TNNI3: variants seen among roughly 807,000 people sequenced by gnomAD.
TNNI3 encodes troponin I3, cardiac type.
Under a neutral mutation model 31.5 loss-of-function variants are expected in TNNI3, and 23 were observed. The ratio of observed to expected loss-of-function variants is 0.73; its 90% confidence interval spans 0.52 to 1.03. The LOEUF (loss-of-function observed/expected upper bound fraction) is 1.03. TNNI3 is among the 50% of genes least tolerant of loss of function. The probability of loss-of-function intolerance (pLI) is 0.00; values close to 1 mark genes in which losing one functional copy is unlikely to be tolerated. For synonymous variants in TNNI3, 120 were observed against 111.7 expected (o/e 1.07, Z -0.47); for missense variants, 236 against 282.9 (o/e 0.83, Z 1.19).
chr19:55,153,558 A>G (rs1599908644), intron 7 of TNNI3, among the ~76,000 whole-genome samples: 1 of 151,972 alleles, frequency 6.6e-6, no homozygotes, highest in East Asian at 1.9e-4. Flanking sequence ...TGTAGAAATT[A>G]AAACAACAAC....
Position 55,157,685 on chromosome 19 carries a change from A to G in TNNI3, c.-96T>C, listed in dbSNP as rs761058069. ...CCGCCCGGGTGACCTTCAGGGTCCC[A>G]GGGACCGTCAGTCTCCTCCGGGCTG... On this transcript the variant is annotated 5_prime_UTR_variant, in exon 1 of 8. Transcript: ENST00000344887. The surrounding 1 kb of genome is among the most constrained non-coding windows in gnomAD (Gnocchi z 6.3). 5 of 1,449,934 alleles carry G rather than the reference A, an allele frequency of 3.4e-6. No homozygotes were observed. The African/African-American group carries it at 5.6e-5, about 16-fold the overall frequency. 89.8% of individuals were successfully genotyped at this position (1,449,934 alleles called of 1,614,324 possible).
At position 55,156,451 on chromosome 19, in the gene TNNI3, C is replaced by G. The variant is rs954643754; in HGVS notation, c.151-119G>C. On this transcript the variant is annotated intron_variant, in intron 4 of 7. Coordinates refer to ENST00000344887, the MANE Select transcript of TNNI3 (RefSeq NM_000363.5). This position sits in a 1 kb window ranked among gnomAD's most constrained non-coding sequence, Gnocchi z 4.6. ...TTTGGTCTCCACTGTTCCAAGGCCC[C>G]GTCCCACCCCGAGCAGTACTCCCCG... is the stretch of plus-strand genomic sequence containing the variant. 9 of 1,504,328 alleles carry G rather than the reference C, an allele frequency of 6.0e-6. No individual in the cohort carries two copies. Among genetic ancestry groups the G allele is most frequent in the African/African-American group, 5.5e-5 (4 of 72,144 alleles). The allele number at this position is 1,504,328 out of a possible 1,614,324, so 93.2% of individuals were successfully genotyped here.
chr19:55,155,027 G>C (rs1352760162), intron 5 of TNNI3, among the ~76,000 whole-genome samples, 197 bp from the exon 6 acceptor site: 1 of 137,950 alleles, frequency 7.2e-6, no homozygotes, highest in East Asian at 2.3e-4. Flanking sequence ...AGAAGGGGCT[G>C]GGGGCCTGGA....
At chr19:55,154,893 G>A in intron 5 of TNNI3, 63 bp from the exon 6 acceptor site, 1 of 1,473,842 alleles carries the variant, frequency 6.8e-7, no homozygotes, top group Non-Finnish European at 9.5e-7. Context: ...TGGACTCCTG[G>A]GTCTGAGGGA....
At position 55,154,805 on chromosome 19, in the gene TNNI3, C is replaced by T. The variant is rs371000425; in HGVS notation, c.308G>A (p.Arg103His). The T allele has an allele frequency of 2.4e-5, 39 of 1,614,064 alleles. No homozygotes were observed. The highest frequency in any genetic ancestry group is 4.4e-5 in the South Asian group (4 of 91,082). The change falls in exon 6 of 8, where the codon CGT (arginine) becomes CAT (histidine). Residue 103 changes from arginine to histidine, a missense_variant. Arg to His is a conservative substitution (Grantham distance 29, BLOSUM62 0). Transcript: ENST00000344887. The part of the protein sequence containing the change: ...LQDLCRQLHA[R>H]VDKVDEERYD... The stretch of plus-strand genomic sequence containing the variant: ...TCTCTCTTCATCCACCTTGTCCACA[C>T]GGGCGTGGAGCTGTCGGCACAAGTC...
At position 55,156,456 on chromosome 19, in the gene TNNI3, C is replaced by T. The variant is rs1285368483; in HGVS notation, c.151-124G>A. Reference sequence around the variant, plus strand: ...TCTCCACTGTTCCAAGGCCCCGTCCCACCCCGAGCAGTACTCCCCGCTAAA... The same window carrying T: ...TCTCCACTGTTCCAAGGCCCCGTCCTACCCCGAGCAGTACTCCCCGCTAAA... On this transcript the variant is annotated intron_variant, in intron 4 of 7. Coordinates refer to ENST00000344887, the MANE Select transcript of TNNI3 (RefSeq NM_000363.5). The surrounding 1 kb of genome is among the most constrained non-coding windows in gnomAD (Gnocchi z 4.6). 8 of 1,504,984 alleles carry T rather than the reference C, an allele frequency of 5.3e-6. No homozygotes were observed. The African/African-American group carries it at 9.7e-5, about 18-fold the overall frequency. The allele number at this position is 1,504,984 out of a possible 1,614,324, so 93.2% of individuals were successfully genotyped here.
intron 7 of TNNI3, 149 bp downstream of exon 7, chr19:55,153,881 C>A (rs2085710062): frequency 3.3e-6 from 2 of 602,422 alleles, no homozygotes; most frequent in Non-Finnish European, 2.6e-6. Flanking sequence ...TCCCCTTCTA[C>A]TTCCTGTCTT....
Position 55,154,780 on chromosome 19 carries a change from T to G in TNNI3, c.333A>C (p.Arg111Ser). Residue 111 changes from arginine to serine, a missense_variant, in exon 6 of 8, where the codon AGA becomes AGC. By Grantham distance (110) the Arg-to-Ser change is moderately radical (BLOSUM62 -1). Transcript: ENST00000344887. Reference protein sequence around the residue: ...HARVDKVDEERYDIEAKVTKN... With the variant: ...HARVDKVDEESYDIEAKVTKN... ...TGGTGACTTTTGCCTCTATGTCGTA[T>G]CTCTCTTCATCCACCTTGTCCACAC... 6.2e-7 allele frequency: 1 copy of G among 1,614,166 alleles called. No homozygotes were observed. Among genetic ancestry groups the G allele is most frequent in the Non-Finnish European group, 8.5e-7 (1 of 1,180,022 alleles).
At position 55,152,030 on chromosome 19, in the gene TNNI3, T is replaced by C; in HGVS notation, c.550-113A>G. 1 of 934,094 alleles carries C rather than the reference T, an allele frequency of 1.1e-6. No individual in the cohort carries two copies. Among genetic ancestry groups the C allele is most frequent in the Non-Finnish European group, 1.7e-6 (1 of 584,216 alleles). The allele number at this position is 934,094 out of a possible 1,614,324, so 57.9% of individuals were successfully genotyped here. A position where few individuals can be genotyped will look rare whatever the true frequency, so the allele number is the denominator to read the frequency against. On this transcript the variant is annotated intron_variant, in intron 7 of 7. Coordinates refer to ENST00000344887, the MANE Select transcript of TNNI3 (RefSeq NM_000363.5). This position sits in a 1 kb window ranked among gnomAD's most constrained non-coding sequence, Gnocchi z 4.0. ...CCACTCTACCCTGGATGCCTAAGTA[T>C]CTAGTTCTGGAGCACTTCCTGTCTT...
chr19:55,157,031 C>G lies in TNNI3; in HGVS notation c.108+19G>C. The G allele has an allele frequency of 6.4e-7, 1 of 1,572,922 alleles. No individual in the cohort carries two copies. The highest frequency in any genetic ancestry group is 8.6e-7 in the Non-Finnish European group (1 of 1,162,562). ...TCCCTCCGGCGCCTGTACTCTGCCC[C>G]CAGGAAGCCCCGTCCCACCTTGGCG... On this transcript the variant is annotated intron_variant, in intron 3 of 7. Coordinates refer to ENST00000344887, the MANE Select transcript of TNNI3 (RefSeq NM_000363.5). The surrounding 1 kb of genome is among the most constrained non-coding windows in gnomAD (Gnocchi z 6.3).
In TNNI3 at chr19:55,157,247, C is replaced by T; in HGVS notation, c.24+49G>A. On this transcript the variant is annotated intron_variant, in intron 2 of 7. Transcript: ENST00000344887. This position sits in a 1 kb window ranked among gnomAD's most constrained non-coding sequence, Gnocchi z 6.3. ...CGCCCCAGACCCCTCACTGCAGCGC[C>T]CACCCTGGCCCTGGGGGTCCCAGCC... 1.2e-6 allele frequency: 2 copies of T among 1,608,900 alleles called. No homozygotes were observed. The highest frequency in any genetic ancestry group is 1.7e-6 in the Non-Finnish European group (2 of 1,178,258).
chr19:55,152,029 A>G lies in TNNI3; in HGVS notation c.550-112T>C, dbSNP rs140242923. 8.3e-4 allele frequency: 784 copies of G among 940,386 alleles called. 5 individuals carry two copies. In the African/African-American group the frequency reaches 0.011, roughly 13 times the overall value. 58.3% of individuals were successfully genotyped at this position (940,386 alleles called of 1,614,324 possible). ...GCCACTCTACCCTGGATGCCTAAGT[A>G]TCTAGTTCTGGAGCACTTCCTGTCT... On this transcript the variant is annotated intron_variant, in intron 7 of 7. Coordinates refer to ENST00000344887, the MANE Select transcript of TNNI3 (RefSeq NM_000363.5). The surrounding 1 kb of genome is among the most constrained non-coding windows in gnomAD (Gnocchi z 4.0).
In TNNI3 at chr19:55,157,275, G is replaced by T; in HGVS notation, c.24+21C>A. On this transcript the variant is annotated intron_variant, in intron 2 of 7. Transcript: ENST00000344887. This position sits in a 1 kb window ranked among gnomAD's most constrained non-coding sequence, Gnocchi z 6.3. ...CCCTGGCCCTGGGGGTCCCAGCCAC[G>T]CCTTAGCCCGCTGCTCTCACCGCAT... 1 of 1,612,068 alleles carries T rather than the reference G, an allele frequency of 6.2e-7. No homozygotes were observed. Among genetic ancestry groups the T allele is most frequent in the South Asian group, 1.1e-5 (1 of 90,786 alleles).
chr19:55,151,881 C>A lies in TNNI3; in HGVS notation c.586G>T (p.Asp196Tyr), dbSNP rs104894727. ...REVGDWRKNIDALSGMEGRKK... is the reference protein window; with the variant it reads ...REVGDWRKNIYALSGMEGRKK... Reference sequence around the variant, plus strand: ...CGGCCCTCCATTCCACTCAGTGCATCGATGTTCTTGCGCCAGTCTCCCACC... The same window carrying A: ...CGGCCCTCCATTCCACTCAGTGCATAGATGTTCTTGCGCCAGTCTCCCACC... Residue 196 changes from aspartate to tyrosine, a missense_variant, in exon 8 of 8, where the codon GAT becomes TAT. Transcript: ENST00000344887. The A allele has an allele frequency of 1.2e-6, 2 of 1,614,144 alleles. No homozygotes were observed. Among genetic ancestry groups the A allele is most frequent in the Non-Finnish European group, 1.7e-6 (2 of 1,180,004 alleles).
At position 55,156,791 on chromosome 19, in the gene TNNI3, GC is replaced by G; in HGVS notation, c.109-148del. On this transcript the variant is annotated intron_variant, in intron 3 of 7. Transcript: ENST00000344887. This position sits in a 1 kb window ranked among gnomAD's most constrained non-coding sequence, Gnocchi z 4.6. Reference sequence around the variant, plus strand: ...GAGCCCTGAGTCTACGGGAGGCCACGCCCCTCATTCCCATCCACCAATCTGG... The same window carrying G: ...GAGCCCTGAGTCTACGGGAGGCCACGCCCTCATTCCCATCCACCAATCTGG... 1.1e-6 allele frequency: 1 copy of G among 948,102 alleles called. No individual in the cohort carries two copies. The highest frequency in any genetic ancestry group is 1.7e-6 in the Non-Finnish European group (1 of 603,326). 58.7% of individuals were successfully genotyped at this position (948,102 alleles called of 1,614,324 possible).
Position 55,156,504 on chromosome 19 carries a change from CCCGCCCACTT to C in TNNI3, c.150+89_150+98del, listed in dbSNP as rs2085731142. ...AAAGCCACGCCCCGAGCGGCCAAACCCCGCCCACTTCCGCCCACCTACCCCGAAAGCCCCA... is the reference window on the plus strand; with the variant it reads ...AAAGCCACGCCCCGAGCGGCCAAACCCCGCCCACCTACCCCGAAAGCCCCA... On this transcript the variant is annotated intron_variant, in intron 4 of 7. Transcript: ENST00000344887. This position sits in a 1 kb window ranked among gnomAD's most constrained non-coding sequence, Gnocchi z 4.6. 12 of 1,525,456 alleles carry C rather than the reference CCCGCCCACTT, an allele frequency of 7.9e-6. No homozygotes were observed. The Admixed American group carries it at 2.4e-4, about 30-fold the overall frequency. The allele number at this position is 1,525,456 out of a possible 1,614,324, so 94.5% of individuals were successfully genotyped here.
chr19:55,155,863 C>A (rs1599910761), intron 5 of TNNI3, among the ~76,000 whole-genome samples: 1 of 125,582 alleles, frequency 8.0e-6, no homozygotes, highest in African/African-American at 3.4e-5. Flanking sequence ...GGGGCTGGGG[C>A]CTGGACTTCA....
rs2085735226 is a variant in TNNI3, at chr19:55,156,848, T to C, written c.108+202A>G. ...TTCCTTTGGATAGGCACTTCCCATC[T>C]ATCCCTAAGCAAGTCCGAGGGCAAC... On this transcript the variant is annotated intron_variant, in intron 3 of 7. Coordinates refer to ENST00000344887, the MANE Select transcript of TNNI3 (RefSeq NM_000363.5). The surrounding 1 kb of genome is among the most constrained non-coding windows in gnomAD (Gnocchi z 4.6). The C allele has an allele frequency of 1.1e-5, 9 of 832,902 alleles. 1 individual carries two copies. In the South Asian group the frequency reaches 1.4e-4, roughly 13 times the overall value. 51.6% of individuals were successfully genotyped at this position (832,902 alleles called of 1,614,324 possible). A position where few individuals can be genotyped will look rare whatever the true frequency, so the allele number is the denominator to read the frequency against.
Position 55,152,063 on chromosome 19 carries a change from T to C in TNNI3, c.550-146A>G. The C allele has an allele frequency of 2.7e-6, 2 of 746,830 alleles. No homozygotes were observed. Among genetic ancestry groups the C allele is most frequent in the Non-Finnish European group, 4.7e-6 (2 of 429,810 alleles). 46.3% of individuals were successfully genotyped at this position (746,830 alleles called of 1,614,324 possible). A position where few individuals can be genotyped will look rare whatever the true frequency, so the allele number is the denominator to read the frequency against. On this transcript the variant is annotated intron_variant, in intron 7 of 7. Coordinates refer to ENST00000344887, the MANE Select transcript of TNNI3 (RefSeq NM_000363.5). The surrounding 1 kb of genome is among the most constrained non-coding windows in gnomAD (Gnocchi z 4.0). ...TGGAGCACTTCCTGTCTTTTCAAGA[T>C]AATCCCTGCCAATTTTCCCCATGCA...
Sources: allele counts gnomAD v4.1 joint callset (sites outside exome capture counted in the v4.1 genomes callset), GRCh38; gene constraint gnomAD v4.1.1; non-coding constraint Gnocchi (gnomAD v3.1); transcripts MANE v1.5; gene names NCBI Gene and HGNC (gene_info 2026-07-23, HGNC 2026-07-21).